The following ARHGEF3 variants were observed in gnomAD, a reference collection of about 807,000 sequenced individuals.
The protein encoded by ARHGEF3 is 59.8 kDA protein.
ARHGEF3 carries 28 observed loss-of-function variants against 63.2 expected under a neutral mutation model. That is an observed-to-expected ratio of 0.44 (90% CI 0.33 to 0.61). The LOEUF is 0.61. Ranked by LOEUF, ARHGEF3 falls within the 20% of genes least tolerant of loss-of-function variation. The pLI, the probability that ARHGEF3 is intolerant of heterozygous loss-of-function variation, is 0.03. For synonymous variants in ARHGEF3, 266 were observed against 254.2 expected (o/e 1.05, Z -0.44); for missense variants, 533 against 659.3 (o/e 0.81, Z 2.10).
intron 3 of ARHGEF3, among the ~76,000 whole-genome samples, chr3:56,900,294 C>A (rs542494751): frequency 2.6e-5 from 4 of 152,152 alleles, no homozygotes; most frequent in Non-Finnish European, 5.9e-5. Flanking sequence ...CATCTAGATA[C>A]CTTGATTGCA....
At chr3:56,779,663 C>T (rs936484011) in intron 1 of ARHGEF3, among the ~76,000 whole-genome samples, 13 of 152,204 alleles carry the variant, frequency 8.5e-5, no homozygotes, top group African/African-American at 2.7e-4. Context: ...AATGGCCCCA[C>T]TCCACCCAGC....
At chr3:57,033,890 C>T (rs1703839739) in intron 2 of ARHGEF3, among the ~76,000 whole-genome samples, 1 of 151,816 alleles carries the variant, frequency 6.6e-6, no homozygotes, top group African/African-American at 2.4e-5. Flanking sequence ...ACTAAAAATA[C>T]AAAAATTAGC....
At chr3:56,745,591 T>C (rs2034328516) in intron 6 of ARHGEF3, 129 bp from the exon 7 acceptor site, 1 of 1,088,756 alleles carries the variant, frequency 9.2e-7, no homozygotes, top group Non-Finnish European at 1.3e-6. Context: ...TTCCTTTATC[T>C]GCATGGCTGG....
At chr3:56,961,463 C>T (rs1263525537) in intron 2 of ARHGEF3, among the ~76,000 whole-genome samples, 1 of 151,854 alleles carries the variant, frequency 6.6e-6, no homozygotes, top group Non-Finnish European at 1.5e-5. Flanking sequence ...AGAAGTCCCC[C>T]CAAACAGGGC....
chr3:57,047,573 T>C (rs1387766937), intron 1 of ARHGEF3, among the ~76,000 whole-genome samples: 2 of 152,138 alleles, frequency 1.3e-5, no homozygotes, highest in African/African-American at 2.4e-5. Context: ...AATGAAGCAG[T>C]GTAAGCAAAG....
At chr3:56,743,696 T>C (rs1263474830) in intron 7 of ARHGEF3, among the ~76,000 whole-genome samples, 2 of 152,198 alleles carry the variant, frequency 1.3e-5, no homozygotes, top group African/African-American at 4.8e-5. Context: ...AATAGGCAGT[T>C]TGCTCAGCAG....
intron 2 of ARHGEF3, among the ~76,000 whole-genome samples, chr3:56,989,327 T>C (rs1048106400): frequency 6.6e-6 from 1 of 152,122 alleles, no homozygotes; most frequent in African/African-American, 2.4e-5. Context: ...AATGGCCCTG[T>C]GGATGCTGTA....
chr3:56,835,832 G>A (rs1438170121), intron 4 of ARHGEF3, among the ~76,000 whole-genome samples: 1 of 152,236 alleles, frequency 6.6e-6, no homozygotes, highest in East Asian at 1.9e-4. Context: ...GTCACCCATG[G>A]TTCACCCCTG....
intron 2 of ARHGEF3, among the ~76,000 whole-genome samples, chr3:57,028,714 A>ATT (rs200296773): frequency 7.2e-6 from 1 of 139,066 alleles, no homozygotes; most frequent in African/African-American, 2.9e-5. Flanking sequence ...AAATAAATAA[A>ATT]TAAAAAAAAA....
At chr3:56,993,874 T>A (rs940098344) in intron 2 of ARHGEF3, among the ~76,000 whole-genome samples, 3 of 150,242 alleles carry the variant, frequency 2.0e-5, no homozygotes, top group Non-Finnish European at 1.5e-5. Context: ...ACCAGCCTGG[T>A]CAACATGGTG....
chr3:56,954,321 C>G (rs1041143633), intron 3 of ARHGEF3, among the ~76,000 whole-genome samples: 3 of 152,138 alleles, frequency 2.0e-5, no homozygotes, highest in African/African-American at 7.2e-5. Context: ...CTCCACCCCA[C>G]CCCAACAGGA....
At chr3:56,950,012 C>T (rs894364318) in intron 3 of ARHGEF3, among the ~76,000 whole-genome samples, 1 of 151,888 alleles carries the variant, frequency 6.6e-6, no homozygotes, top group African/African-American at 2.4e-5. Flanking sequence ...ACAAACCTGA[C>T]AAAAACAAGA....
rs766579522 is a variant in ARHGEF3 at position 57,013,048 on chromosome 3, C to T, written c.62+22040G>A. On this transcript the variant is annotated intron_variant, in intron 2 of 12. Transcript: ENST00000338458. ...GGTGCACCGGATCCCCCAGCACTGC[C>T]GGCCGGCCTGCCTGCGCCACACTCG... 6.6e-5 allele frequency among the ~76,000 whole-genome samples: 10 copies of T among 152,320 alleles called. No homozygotes were observed. In the South Asian group the frequency reaches 1.0e-3, roughly 16 times the overall value.
chr3:56,788,340 T>C (rs1025358249), intron 1 of ARHGEF3, among the ~76,000 whole-genome samples: 1 of 152,188 alleles, frequency 6.6e-6, no homozygotes, highest in Non-Finnish European at 1.5e-5. Flanking sequence ...ACTACCCGTA[T>C]TGTCGTGTTG....
chr3:57,073,678 T>C, intron 1 of ARHGEF3: 1 of 1,598,956 alleles, frequency 6.3e-7, no homozygotes, highest in South Asian at 1.1e-5. Context: ...GAGAATTCTG[T>C]TTTTGACTTG....
intron 3 of ARHGEF3, among the ~76,000 whole-genome samples, chr3:56,920,879 T>C (rs111661827): frequency 0.095 from 14,484 of 151,788 alleles, 835 homozygotes; most frequent in African/African-American, 0.14. Context: ...GGTGAAACCC[T>C]GTCTCTACTA....
intron 4 of ARHGEF3, among the ~76,000 whole-genome samples, chr3:56,872,396 A>G (rs2040457445): frequency 6.6e-6 from 1 of 152,210 alleles, no homozygotes; most frequent in African/African-American, 2.4e-5. Context: ...TGCATTTTAC[A>G]CTTATATTCT....
intron 3 of ARHGEF3, among the ~76,000 whole-genome samples, chr3:56,929,296 T>G (rs1303937963): frequency 6.6e-6 from 1 of 152,202 alleles, no homozygotes; most frequent in African/African-American, 2.4e-5. Flanking sequence ...AACTGAAATT[T>G]ATCACAGCCC....
At chr3:56,827,095 T>C (rs951281732) in intron 4 of ARHGEF3, among the ~76,000 whole-genome samples, 2 of 152,162 alleles carry the variant, frequency 1.3e-5, no homozygotes, top group African/African-American at 4.8e-5. Context: ...AAAAGATTGA[T>C]AAAATTTGTA....
Sources: allele counts gnomAD v4.1 joint callset (sites outside exome capture counted in the v4.1 genomes callset), GRCh38; gene constraint gnomAD v4.1.1; transcripts MANE v1.5; gene names NCBI Gene and HGNC (gene_info 2026-07-23, HGNC 2026-07-21).